The following LPA variants were observed in gnomAD, a reference collection of about 807,000 sequenced individuals.
LPA encodes apolipoprotein(a).
Under a neutral mutation model 197.9 loss-of-function variants are expected in LPA, and 199 were observed. That is an observed-to-expected ratio of 1.01 (90% CI 0.90 to 1.13). The LOEUF is 1.13. Ranked by LOEUF, LPA falls within the 50% of genes most tolerant of loss-of-function variation. The pLI is 0.00. For missense variants in LPA, 1,853 were observed against 1,785.8 expected (o/e 1.04, Z -0.68); for synonymous variants, 715 against 639.5 (o/e 1.12, Z -1.78).
Position 160,635,304 on chromosome 6 carries a change from A to G in LPA, c.894T>C (p.Ala298=). The G allele has an allele frequency of 8.8e-7, 1 of 1,136,424 alleles. No homozygotes were observed. The highest frequency in any genetic ancestry group is 1.2e-6 in the Non-Finnish European group (1 of 812,546). The allele number at this position is 1,136,424 out of a possible 1,614,324, so 70.4% of individuals were successfully genotyped here. The change falls in exon 7 of 39, where the codon GCT becomes GCC. Residue 298 remains alanine, a splice_region_variant and synonymous_variant. Coordinates refer to ENST00000316300, the MANE Select transcript of LPA (RefSeq NM_005577.4). ...TCCTGCAGTAGTTCATGATCAAGCC[A>G]CTGGAAATTCCAAAACGATACACGT... ...HSRTPEYYPN[A]GLIMNYCRNP...
intron 1 of LPA, among the ~76,000 whole-genome samples, chr6:160,657,860 A>G (rs1008019562): frequency 7.9e-5 from 12 of 152,322 alleles, no homozygotes; most frequent in African/African-American, 2.9e-4. Context: ...GATTTCTGCC[A>G]ATATAAATTA....
At chr6:160,610,311 G>C (rs1416673560) in intron 16 of LPA, among the ~76,000 whole-genome samples, 2 of 152,064 alleles carry the variant, frequency 1.3e-5, no homozygotes, top group Admixed American at 1.3e-4. Context: ...TTTGATGCTT[G>C]GACACTTGCT....
At chr6:160,542,324 A>G (rs1404585340) in intron 34 of LPA, among the ~76,000 whole-genome samples, 1 of 152,224 alleles carries the variant, frequency 6.6e-6, no homozygotes, top group African/African-American at 2.4e-5. Context: ...CCCTCACTGC[A>G]AAGTGTCACA....
intron 28 of LPA, among the ~76,000 whole-genome samples, chr6:160,574,366 C>G (rs780744902): frequency 3.3e-5 from 5 of 152,276 alleles, no homozygotes; most frequent in East Asian, 3.9e-4. Context: ...GTCCTTCCCC[C>G]ACCTGTGAAG....
intron 22 of LPA, among the ~76,000 whole-genome samples, chr6:160,592,090 T>C (rs1432549495): frequency 1.3e-5 from 2 of 152,236 alleles, no homozygotes; most frequent in East Asian, 3.8e-4. Context: ...TCAGCCGTCA[T>C]GGCTTCAAGT....
At chr6:160,582,722 G>T (rs554063366) in intron 26 of LPA, among the ~76,000 whole-genome samples, 1 of 152,154 alleles carries the variant, frequency 6.6e-6, no homozygotes, top group South Asian at 2.1e-4. Flanking sequence ...TTGACTATGT[G>T]AGTTTATCAT....
At chr6:160,547,616 C>A (rs1278278073) in intron 32 of LPA, among the ~76,000 whole-genome samples, 173 bp downstream of exon 32, 2 of 152,162 alleles carry the variant, frequency 1.3e-5, no homozygotes, top group African/African-American at 4.8e-5. Flanking sequence ...AGAGAAGAGG[C>A]CTGAGAACCC....
chr6:160,654,040 TA>T lies in LPA; in HGVS notation c.50-3544del, dbSNP rs1562354883. 8.1e-3 allele frequency among the ~76,000 whole-genome samples: 122 copies of T among 15,076 alleles called. 19 individuals are homozygous for T. Among genetic ancestry groups the T allele is most frequent in the Non-Finnish European group, 8.8e-3 (89 of 10,076 alleles). The allele number at this position is 15,076 out of a possible 152,430, so 9.9% of individuals were successfully genotyped here. A position where few individuals can be genotyped will look rare whatever the true frequency, so the allele number is the denominator to read the frequency against. The stretch of plus-strand genomic sequence containing the variant: ...TATATAATATATAATATATATTATA[TA>T]TAATATATAATATATTATATATATT... On this transcript the variant is annotated intron_variant, in intron 1 of 38. Coordinates refer to ENST00000316300, the MANE Select transcript of LPA (RefSeq NM_005577.4).
rs796228034 is a variant in LPA, at chr6:160,548,809, T to A, written c.4974-150A>T. On this transcript the variant is annotated intron_variant, in intron 30 of 38. Transcript: ENST00000316300. The stretch of plus-strand genomic sequence containing the variant: ...TCATACAATTGCCACAACACAAATG[T>A]TCCTCAACTTCCCATTTGTGCATGC... The A allele has an allele frequency of 1.2e-5, 9 of 763,826 alleles. No homozygotes were observed. The African/African-American group carries it at 1.6e-4, about 13-fold the overall frequency. The allele number at this position is 763,826 out of a possible 1,614,324, so 47.3% of individuals were successfully genotyped here. A position where few individuals can be genotyped will look rare whatever the true frequency, so the allele number is the denominator to read the frequency against.
At chr6:160,649,625 CT>C (rs1318406199) in intron 2 of LPA, among the ~76,000 whole-genome samples, 1 of 152,192 alleles carries the variant, frequency 6.6e-6, no homozygotes, top group African/African-American at 2.4e-5. Flanking sequence ...ATTGTTCTCT[CT>C]CTCGCAATTC....
At chr6:160,554,391 C>T (rs1778221261) in intron 30 of LPA, among the ~76,000 whole-genome samples, 1 of 152,112 alleles carries the variant, frequency 6.6e-6, no homozygotes, top group Non-Finnish European at 1.5e-5. Context: ...TGTTATTTAC[C>T]TCCAGTGATG....
intron 28 of LPA, among the ~76,000 whole-genome samples, chr6:160,575,780 G>A (rs999170684): frequency 6.6e-6 from 1 of 152,132 alleles, no homozygotes; most frequent in African/African-American, 2.4e-5. Context: ...TTCCCCAGTA[G>A]CTGTTCTTTG....
At position 160,542,740 on chromosome 6, in the gene LPA, C is replaced by G. The variant is rs1286121488; in HGVS notation, c.5467G>C (p.Gly1823Arg). The G allele has an allele frequency of 1.2e-6, 2 of 1,614,044 alleles. No homozygotes were observed. The highest frequency in any genetic ancestry group is 2.2e-5 in the South Asian group (2 of 91,060). Residue 1823 changes from glycine (G) to arginine (R), a missense_variant, in exon 34 of 39, where the codon GGG (glycine) becomes CGG (arginine). Physicochemically the swap from Gly to Arg is moderately radical, Grantham distance 125 (BLOSUM62 -2). Transcript: ENST00000316300. ...PKKCPGSIVGGCVAHPHSWPW... is the reference protein window; with the variant it reads ...PKKCPGSIVGRCVAHPHSWPW... ...CAGGAATGTGGGTGGGCCACACACC[C>G]CCCTACAATGCTTCCAGGACATTTC...
chr6:160,553,842 A>G (rs1778204701), intron 30 of LPA, among the ~76,000 whole-genome samples: 13 of 151,590 alleles, frequency 8.6e-5, no homozygotes, highest in Admixed American at 8.5e-4. Context: ...TGCTTTACCC[A>G]TATATTAAAT....
At chr6:160,652,755 A>G (rs2115101616) in intron 1 of LPA, among the ~76,000 whole-genome samples, 1 of 152,302 alleles carries the variant, frequency 6.6e-6, no homozygotes, top group East Asian at 1.9e-4. Context: ...TATTACAAAG[A>G]GCAATAGCAC....
intron 1 of LPA, among the ~76,000 whole-genome samples, chr6:160,654,069 A>AT: frequency 1.7e-5 from 1 of 57,716 alleles, no homozygotes; most frequent in Non-Finnish European, 2.9e-5. Context: ...TATATATTAT[A>AT]TATAATATAT....
intron 22 of LPA, among the ~76,000 whole-genome samples, chr6:160,591,937 T>A (rs995648692): frequency 1.8e-4 from 28 of 152,206 alleles, no homozygotes; most frequent in Non-Finnish European, 2.5e-4. Flanking sequence ...AGGAACCCCC[T>A]TTTTTTCTTC....
chr6:160,654,060 A>ATAT (rs1331985654), intron 1 of LPA, among the ~76,000 whole-genome samples: 486 of 12,162 alleles, frequency 0.04, 92 homozygotes, highest in Non-Finnish European at 0.052. Context: ...AATATATTAT[A>ATAT]TATATTATAT....
intron 28 of LPA, among the ~76,000 whole-genome samples, chr6:160,565,879 C>T (rs1040672045): frequency 1.3e-5 from 2 of 152,078 alleles, no homozygotes; most frequent in African/African-American, 4.8e-5. Flanking sequence ...CTACGTGACA[C>T]ATGAACAAGT....
Sources: gnomAD v4.1 joint callset for allele counts (sites outside exome capture counted in the v4.1 genomes callset) on GRCh38, gnomAD v4.1.1 for gene constraint, MANE v1.5 for transcripts, NCBI Gene and HGNC (gene_info 2026-07-23, HGNC 2026-07-21) for gene names.